The following PRRX2 variants were observed in gnomAD, a reference collection of about 807,000 sequenced individuals.
The protein encoded by PRRX2 is paired mesoderm homeobox protein 2.
PRRX2 carries 11 observed loss-of-function variants against 18.0 expected under a neutral mutation model. The ratio of observed to expected loss-of-function variants is 0.61; its 90% CI spans 0.39 to 1.01. The LOEUF is 1.01. Among genes scored for constraint, PRRX2 ranks in the 50% least tolerant of loss-of-function variants. The pLI is 0.01. For synonymous variants in PRRX2, 177 were observed against 154.8 expected, an observed-to-expected ratio of 1.14 and a Z score of -1.06; for missense variants, 387 against 351.0, an observed-to-expected ratio of 1.10 and a Z score of -0.82.
chr9:129,702,026 G>A (rs1224547852), intron 1 of PRRX2, among the ~76,000 whole-genome samples: 14 of 152,044 alleles, frequency 9.2e-5, no homozygotes, highest in African/African-American at 2.7e-4. Flanking sequence ...GCTTGAACCC[G>A]GGAGGCAGAG....
At chr9:129,692,034 C>G (rs917678942) in intron 1 of PRRX2, among the ~76,000 whole-genome samples, 1 of 150,552 alleles carries the variant, frequency 6.6e-6, no homozygotes, top group Non-Finnish European at 1.5e-5. Flanking sequence ...ATCTCCACCT[C>G]CTGGGTTCAA....
rs2119055669 is a variant in PRRX2, at chr9:129,675,888, A to T, written c.259+9762A>T. Reference sequence around the variant, plus strand: ...CCCCGCAGAACGCCGAGGTCTTGAAAGCCAGTGCACCTCCTTTCATTAGAC... The same window carrying T: ...CCCCGCAGAACGCCGAGGTCTTGAATGCCAGTGCACCTCCTTTCATTAGAC... On this transcript the variant is annotated intron_variant, in intron 1 of 3. Coordinates refer to ENST00000372469, the MANE Select transcript of PRRX2 (RefSeq NM_016307.4). The surrounding 1 kb of genome is among the most constrained non-coding windows in gnomAD (Gnocchi z 4.4). Among the ~76,000 whole-genome samples, 1 of 152,312 alleles carries T rather than the reference A, an allele frequency of 6.6e-6. No homozygotes were observed.
At chr9:129,678,526 A>G (rs1832189725) in intron 1 of PRRX2, among the ~76,000 whole-genome samples, 1 of 152,144 alleles carries the variant, frequency 6.6e-6, no homozygotes, top group African/African-American at 2.4e-5. Flanking sequence ...GGGAAACAGA[A>G]TTTCAGAAGG....
Position 129,715,750 on chromosome 9 carries a change from T to TCTCTCTCTCTCTCACACACACACACACA in PRRX2, c.260-3480_260-3479insTCTCTCTCTCTCACACACACACACACAC. On this transcript the variant is annotated intron_variant, in intron 1 of 3. Transcript: ENST00000372469. This position sits in a 1 kb window ranked among gnomAD's most constrained non-coding sequence, Gnocchi z 4.0. The stretch of plus-strand genomic sequence containing the variant: ...AAACCCAGCTTCAGGGACATCTTTC[T>TCTCTCTCTCTCTCACACACACACACACA]CACACACACACACACACACACACAC... Among the ~76,000 whole-genome samples, 1 of 138,952 alleles carries TCTCTCTCTCTCTCACACACACACACACA rather than the reference T, an allele frequency of 7.2e-6. No homozygotes were observed. Among genetic ancestry groups the TCTCTCTCTCTCTCACACACACACACACA allele is most frequent in the South Asian group, 2.5e-4 (1 of 4,038 alleles). The allele number at this position is 138,952 out of a possible 152,430, so 91.2% of individuals were successfully genotyped here.
At chr9:129,685,361 T>A (rs2130915373) in intron 1 of PRRX2, among the ~76,000 whole-genome samples, 1 of 152,334 alleles carries the variant, frequency 6.6e-6, no homozygotes, top group African/African-American at 2.4e-5. Flanking sequence ...TTTGTTCATT[T>A]CCTTTTTTTA....
In PRRX2 at chr9:129,679,700, T is replaced by C. The variant is rs142588086; in HGVS notation, c.259+13574T>C. 6.6e-5 allele frequency among the ~76,000 whole-genome samples: 10 copies of C among 152,310 alleles called. No individual in the cohort carries two copies. The East Asian group carries it at 1.9e-3, about 29-fold the overall frequency. ...GAAAGGTAAGAAGGTTCCATAACGC[T>C]GGAGCAGGGGCTGCTGAACGAAACC... On this transcript the variant is annotated intron_variant, in intron 1 of 3. Transcript: ENST00000372469.
At chr9:129,704,320 G>A (rs1470804847) in intron 1 of PRRX2, among the ~76,000 whole-genome samples, 1 of 152,196 alleles carries the variant, frequency 6.6e-6, no homozygotes, top group Non-Finnish European at 1.5e-5. Context: ...TCCTCACTGA[G>A]CCACCTGAGA....
chr9:129,677,942 TTTTC>T (rs1259785281), intron 1 of PRRX2, among the ~76,000 whole-genome samples: 30 of 150,380 alleles, frequency 2.0e-4, no homozygotes, highest in East Asian at 5.9e-4. Flanking sequence ...TGCGGCTGCT[TTTTC>T]TTTCTTTCTT....
At position 129,671,757 on chromosome 9, in the gene PRRX2, C is replaced by G. The variant is rs564455175; in HGVS notation, c.259+5631C>G. 2.6e-5 allele frequency among the ~76,000 whole-genome samples: 4 copies of G among 152,212 alleles called. No homozygotes were observed. Among genetic ancestry groups the G allele is most frequent in the Non-Finnish European group, 5.9e-5 (4 of 68,024 alleles). On this transcript the variant is annotated intron_variant, in intron 1 of 3. Coordinates refer to ENST00000372469, the MANE Select transcript of PRRX2 (RefSeq NM_016307.4). This position sits in a 1 kb window ranked among gnomAD's most constrained non-coding sequence, Gnocchi z 4.0. ...GTGAGTCAGGCGAGGCTGTCAGAGGCCCAGACAGGCAAAGCAACCTGCCCG... is the reference window on the plus strand; with the variant it reads ...GTGAGTCAGGCGAGGCTGTCAGAGGGCCAGACAGGCAAAGCAACCTGCCCG...
chr9:129,697,502 C>T (rs1832441785), intron 1 of PRRX2, among the ~76,000 whole-genome samples: 1 of 151,126 alleles, frequency 6.6e-6, no homozygotes, highest in Non-Finnish European at 1.5e-5. Context: ...AGATGTGCCG[C>T]GGCGCCGCTC....
intron 1 of PRRX2, among the ~76,000 whole-genome samples, chr9:129,699,703 G>T (rs1832471101): frequency 6.6e-6 from 1 of 152,188 alleles, no homozygotes; most frequent in African/African-American, 2.4e-5. Flanking sequence ...TCCAGTGTGT[G>T]ACTGTGCCAT....
At chr9:129,719,178 G>A (rs1832752573) in intron 1 of PRRX2, 53 bp from the exon 2 acceptor site, 11 of 1,460,544 alleles carry the variant, frequency 7.5e-6, no homozygotes, top group Non-Finnish European at 1.0e-5. Flanking sequence ...GCTGAACTGT[G>A]ACTGTAGCCA....
chr9:129,670,153 G>T (rs1832081792), intron 1 of PRRX2, among the ~76,000 whole-genome samples: 1 of 150,950 alleles, frequency 6.6e-6, no homozygotes, highest in Non-Finnish European at 1.5e-5. Flanking sequence ...CACCCGTGTA[G>T]CATGCGTCAG....
rs1832777966 is a variant in PRRX2 at position 129,720,692 on chromosome 9, G to A, written c.544G>A (p.Ala182Thr). ...GCTGCTCAAGTCCTACAGCCAGGAG[G>A]CCGCCATCGAGCAGCCCGTGGCTCC... ...ASLLKSYSQE[A>T]AIEQPVAPRP... The change falls in exon 3 of 4, where the codon GCC becomes ACC. Residue 182 changes from alanine (A) to threonine (T), a missense_variant. Coordinates refer to ENST00000372469, the MANE Select transcript of PRRX2 (RefSeq NM_016307.4). 1 of 1,613,136 alleles carries A rather than the reference G, an allele frequency of 6.2e-7. No homozygotes were observed. Among genetic ancestry groups the A allele is most frequent in the African/African-American group, 1.3e-5 (1 of 74,924 alleles).
chr9:129,684,963 T>G lies in PRRX2; in HGVS notation c.259+18837T>G, dbSNP rs558110254. Among the ~76,000 whole-genome samples, 260 of 152,334 alleles carry G rather than the reference T, an allele frequency of 1.7e-3. 2 individuals carry two copies. Among genetic ancestry groups the G allele is most frequent in the Middle Eastern group, 3.4e-3 (1 of 294 alleles). Reference sequence around the variant, plus strand: ...GGGGTTCCTGTGTCAATCATGACTCTCAAAGCAACCAGGAGGCCTGGACAA... The same window carrying G: ...GGGGTTCCTGTGTCAATCATGACTCGCAAAGCAACCAGGAGGCCTGGACAA... On this transcript the variant is annotated intron_variant, in intron 1 of 3. Coordinates refer to ENST00000372469, the MANE Select transcript of PRRX2 (RefSeq NM_016307.4).
At chr9:129,673,172 G>A (rs1009296511) in intron 1 of PRRX2, among the ~76,000 whole-genome samples, 5 of 152,122 alleles carry the variant, frequency 3.3e-5, no homozygotes, top group African/African-American at 1.2e-4. Flanking sequence ...TTCTTGGCTG[G>A]GCAAGGTGGC....
At chr9:129,700,237 C>G (rs1322487802) in intron 1 of PRRX2, among the ~76,000 whole-genome samples, 4 of 151,970 alleles carry the variant, frequency 2.6e-5, no homozygotes, top group African/African-American at 9.7e-5. Flanking sequence ...TCCTCAGGGT[C>G]ACACAGCAGT....
At chr9:129,673,330 A>G (rs1031231705) in intron 1 of PRRX2, among the ~76,000 whole-genome samples, 5 of 152,112 alleles carry the variant, frequency 3.3e-5, no homozygotes, top group Non-Finnish European at 4.4e-5. Flanking sequence ...GGTAGCATGC[A>G]CCTGTAGCCC....
intron 3 of PRRX2, among the ~76,000 whole-genome samples, chr9:129,721,741 A>G (rs1200849859): frequency 6.6e-6 from 1 of 152,014 alleles, no homozygotes; most frequent in Non-Finnish European, 1.5e-5. Flanking sequence ...CACCACGCCA[A>G]GCTAATTGTT....
Sources: allele counts gnomAD v4.1 joint callset (sites outside exome capture counted in the v4.1 genomes callset), GRCh38; gene constraint gnomAD v4.1.1; non-coding constraint Gnocchi (gnomAD v3.1); transcripts MANE v1.5; gene names NCBI Gene and HGNC (gene_info 2026-07-23, HGNC 2026-07-21).